The following PPP1R12C variants were observed in gnomAD, a reference collection of about 807,000 sequenced individuals.
PPP1R12C encodes the protein protein phosphatase 1 regulatory subunit 12C, also known as leukocyte receptor cluster (LRC) encoded novel gene 3.
A neutral mutation model predicts 95.6 loss-of-function variants in PPP1R12C; 48 were observed. That is an observed-to-expected ratio of 0.50 (90% CI 0.40 to 0.64). PPP1R12C has a LOEUF of 0.64. Among genes scored for constraint, PPP1R12C ranks in the 30% least tolerant of loss-of-function variants. The probability of loss-of-function intolerance (pLI) is 0.00; values close to 1 mark genes in which losing one functional copy is unlikely to be tolerated. For synonymous variants in PPP1R12C, 480 were observed against 460.8 expected (o/e 1.04, Z -0.53); for missense variants, 1,057 against 1,083.3 (o/e 0.98, Z 0.34).
At chr19:55,103,601 C>T in intron 3 of PPP1R12C, 33 bp from the exon 4 acceptor site, 1 of 1,514,082 alleles carries the variant, frequency 6.6e-7, no homozygotes, top group Non-Finnish European at 8.9e-7. Flanking sequence ...GTAGGACTCA[C>T]ACCCCATGAC....
Position 55,095,560 on chromosome 19 carries a change from T to C in PPP1R12C, c.1271A>G (p.Lys424Arg). ...ACCCAGGGCACCAGAACTCCCTGTCTTCAGGAGGCCAAAGCGCCTGGAGAA... is the reference window on the plus strand; with the variant it reads ...ACCCAGGGCACCAGAACTCCCTGTCCTCAGGAGGCCAAAGCGCCTGGAGAA... ...APFSRRFGLL[K>R]TGSSGALGPP... Residue 424 changes from lysine to arginine, a missense_variant, in exon 10 of 22, where the codon AAG becomes AGG. Lys to Arg is a conservative substitution (Grantham distance 26, BLOSUM62 2). Around this residue, in one of 5 missense-constraint regions of PPP1R12C, gnomAD observed 356 missense variants for 330.5 expected, o/e 1.08. Coordinates refer to ENST00000263433, the MANE Select transcript of PPP1R12C (RefSeq NM_017607.4). 2 of 1,589,678 alleles carry C rather than the reference T, an allele frequency of 1.3e-6. No individual in the cohort carries two copies. Among genetic ancestry groups the C allele is most frequent in the Non-Finnish European group, 1.7e-6 (2 of 1,170,076 alleles).
At chr19:55,116,499 G>A (rs1304465827) in intron 1 of PPP1R12C, among the ~76,000 whole-genome samples, 7 of 152,118 alleles carry the variant, frequency 4.6e-5, no homozygotes, top group African/African-American at 1.2e-4. Flanking sequence ...AGCCGTAGAG[G>A]TGACCCAGGC....
At position 55,098,848 on chromosome 19, in the gene PPP1R12C, G is replaced by A; in HGVS notation, c.887C>T (p.Pro296Leu). 6.2e-7 allele frequency: 1 copy of A among 1,613,396 alleles called. No homozygotes were observed. Among genetic ancestry groups the A allele is most frequent in the Non-Finnish European group, 8.5e-7 (1 of 1,180,014 alleles). The change falls in exon 6 of 22, where the codon CCC becomes CTC. Residue 296 changes from proline (P) to leucine (L), a missense_variant. By Grantham distance (98) the Pro-to-Leu change is moderately conservative (BLOSUM62 -3). This residue lies in a region of PPP1R12C where 282 missense variants were observed against 380.4 expected (regional missense o/e 0.74). Coordinates refer to ENST00000263433, the MANE Select transcript of PPP1R12C (RefSeq NM_017607.4). ...TACTTCCTCATCGGCCAGGTCACAGGGACGCTGCCCCTGGGTCAGGGGAGG... is the reference window on the plus strand; with the variant it reads ...TACTTCCTCATCGGCCAGGTCACAGAGACGCTGCCCCTGGGTCAGGGGAGG... ...MDSLTHAGQR[P>L]CDLADEEVLS... is the part of the protein sequence containing the mutation.
chr19:55,094,986 G>T (rs1044022957), intron 11 of PPP1R12C, 188 bp from the exon 12 acceptor site: 4 of 746,178 alleles, frequency 5.4e-6, no homozygotes, highest in African/African-American at 5.3e-5. Flanking sequence ...AAGGATAAAG[G>T]ACTCTGGACA....
rs530796599 is a variant in PPP1R12C, at chr19:55,112,511, G to A, written c.527C>T (p.Ser176Leu). Residue 176 changes from serine (S) to leucine (L), a missense_variant, in exon 3 of 22, where the codon TCG (serine) becomes TTG (leucine). Ser to Leu is a moderately radical substitution (Grantham distance 145). Transcript: ENST00000263433. ...DGDLPLDLAESDAMEGLLKAE... is the reference protein window; with the variant it reads ...DGDLPLDLAELDAMEGLLKAE... ...CTTCAGCAGCCCCTCCATGGCGTCC[G>A]ACTCGGCCAGGTCCAGGGGCAGGTC... 712 of 1,613,228 alleles carry A rather than the reference G, an allele frequency of 4.4e-4. 12 individuals carry two copies. In the South Asian group the frequency reaches 7.1e-3, roughly 16 times the overall value.
intron 3 of PPP1R12C, among the ~76,000 whole-genome samples, chr19:55,111,152 G>T (rs866930703): frequency 1.1e-4 from 7 of 60,990 alleles, no homozygotes; most frequent in South Asian, 9.6e-4. Flanking sequence ...TGGGGGGGAG[G>T]GGGGGGTGCA....
In PPP1R12C at chr19:55,096,157, G is replaced by T. The variant is rs1175211969; in HGVS notation, c.1047C>A (p.Ser349Arg). The change falls in exon 8 of 22, where the codon AGC (serine) becomes AGA (arginine). Residue 349 changes from serine (S) to arginine (R), a missense_variant. Ser to Arg is a moderately radical substitution (Grantham distance 110). This residue lies in a region of PPP1R12C where 356 missense variants were observed against 330.5 expected (regional missense o/e 1.08). Coordinates refer to ENST00000263433, the MANE Select transcript of PPP1R12C (RefSeq NM_017607.4). ...CCTGGAGGGAAATCTTCTCGCGACT[G>T]CTCAGACGACACACAGAGCTCCTGT... ...KHRRSSVCRL[S>R]SREKISLQDL... 1 of 1,603,946 alleles carries T rather than the reference G, an allele frequency of 6.2e-7. No homozygotes were observed. Among genetic ancestry groups the T allele is most frequent in the Non-Finnish European group, 8.5e-7 (1 of 1,174,324 alleles).
chr19:55,113,309 G>T, intron 1 of PPP1R12C: 1 of 994,688 alleles, frequency 1.0e-6, no homozygotes, highest in Non-Finnish European at 1.4e-6. Flanking sequence ...CCAGGGCTAT[G>T]CAGGGTGGAG....
chr19:55,094,880 A>G, intron 11 of PPP1R12C, 82 bp from the exon 12 acceptor site: 1 of 1,455,652 alleles, frequency 6.9e-7, no homozygotes, highest in Non-Finnish European at 9.3e-7. Context: ...AGTGAAAGAA[A>G]CAAATTATCT....
At chr19:55,098,638 G>T (rs1005025322) in intron 6 of PPP1R12C, 146 bp downstream of exon 6, 106 of 976,838 alleles carry the variant, frequency 1.1e-4, no homozygotes, top group Non-Finnish European at 1.4e-4. Context: ...TGAGGCTGGG[G>T]CTGGGGCTGG....
Position 55,117,257 on chromosome 19 carries a change from G to A in PPP1R12C, c.287C>T (p.Ser96Phe). ...GGCGCTGATACCGTCGGCGTTGGTG[G>A]AGTCCAGCACGGCGCGGGCGGGCGG... Reference protein sequence around the residue: ...APPPARAVLDSTNADGISALH... With the variant: ...APPPARAVLDFTNADGISALH... The change falls in exon 1 of 22, where the codon TCC becomes TTC. Residue 96 changes from serine to phenylalanine, a missense_variant. Coordinates refer to ENST00000263433, the MANE Select transcript of PPP1R12C (RefSeq NM_017607.4). The A allele has an allele frequency of 8.1e-7, 1 of 1,228,446 alleles. No individual in the cohort carries two copies. The highest frequency in any genetic ancestry group is 1.0e-6 in the Non-Finnish European group (1 of 986,850). 76.1% of individuals were successfully genotyped at this position (1,228,446 alleles called of 1,614,324 possible).
chr19:55,091,644 C>A lies in PPP1R12C; in HGVS notation c.2262+6G>T. On this transcript the variant is annotated splice_donor_region_variant and intron_variant, in intron 21 of 21. Coordinates refer to ENST00000263433, the MANE Select transcript of PPP1R12C (RefSeq NM_017607.4). ...GCCCTCTGCCCACAGCCCCCACAGC[C>A]CCCACCTTCAGCTCCTCCTCCAGCT... 6.2e-7 allele frequency: 1 copy of A among 1,611,584 alleles called. No homozygotes were observed. Among genetic ancestry groups the A allele is most frequent in the South Asian group, 1.1e-5 (1 of 90,968 alleles).
chr19:55,094,338 C>CTT lies in PPP1R12C; in HGVS notation c.1683+6_1683+7insAA. 1 of 1,611,180 alleles carries CTT rather than the reference C, an allele frequency of 6.2e-7. No homozygotes were observed. The highest frequency in any genetic ancestry group is 2.2e-5 in the East Asian group (1 of 44,716). ...CCCAGGAGTCCAGACCCCAGCCCAC[C>CTT]CCACACCTGTGTGGACCTCCGAGAC... On this transcript the variant is annotated splice_region_variant and intron_variant, in intron 13 of 21. Transcript: ENST00000263433.
rs114027267 is a variant in PPP1R12C at position 55,112,910 on chromosome 19, G to C, written c.322-115C>G. On this transcript the variant is annotated intron_variant, in intron 1 of 21. Transcript: ENST00000263433. ...CCAGGGACACGGTGCTAGGACAGTG[G>C]GGAAAATGACCCAACAGCCTCTGGC... The C allele has an allele frequency of 1.7e-3, 2,486 of 1,433,610 alleles. 29 individuals carry two copies. The African/African-American group carries it at 0.031, about 18-fold the overall frequency. 88.8% of individuals were successfully genotyped at this position (1,433,610 alleles called of 1,614,324 possible). A position where few individuals can be genotyped will look rare whatever the true frequency, so the allele number is the denominator to read the frequency against.
intron 19 of PPP1R12C, 71 bp from the exon 20 acceptor site, chr19:55,091,980 T>C: frequency 6.4e-7 from 1 of 1,572,014 alleles, no homozygotes. Context: ...CCTAGGCTCC[T>C]GCTGGGCACC....
Position 55,096,072 on chromosome 19 carries a change from C to T in PPP1R12C, c.1132G>A (p.Glu378Lys). Residue 378 changes from glutamate to lysine, a missense_variant, in exon 8 of 22, where the codon GAG (glutamate) becomes AAG (lysine). Glu to Lys is a moderately conservative substitution (Grantham distance 56). Around this residue, in one of 5 missense-constraint regions of PPP1R12C, gnomAD observed 356 missense variants for 330.5 expected, o/e 1.08. Transcript: ENST00000263433. ...TCACCGGTGGGACCTTCTTCCCCCT[C>T]ATCCTCGTCCTGGATGGGGGGCCCC... ...AGGPPIQDEDEGEEGPTEPPP... is the reference protein window; with the variant it reads ...AGGPPIQDEDKGEEGPTEPPP... 1 of 1,609,394 alleles carries T rather than the reference C, an allele frequency of 6.2e-7. No homozygotes were observed.
At chr19:55,105,904 C>T (rs897450665) in intron 3 of PPP1R12C, among the ~76,000 whole-genome samples, 3 of 151,926 alleles carry the variant, frequency 2.0e-5, no homozygotes, top group African/African-American at 7.2e-5. Flanking sequence ...ATCACTCCAC[C>T]GCACTCCAGC....
At position 55,112,558 on chromosome 19, in the gene PPP1R12C, G is replaced by A. The variant is rs143373450; in HGVS notation, c.480C>T (p.Ile160=). Residue 160 remains isoleucine, a synonymous_variant, in exon 3 of 22, where the codon ATC becomes ATT. Transcript: ENST00000263433. ...GGTCCCCGTCACTGTTGACGGCGGC[G>A]ATGTTGGCCCCGTGGCTCAGGAGGT... ...ARYLLSHGAN[I]AAVNSDGDLP... 286 of 1,613,306 alleles carry A rather than the reference G, an allele frequency of 1.8e-4. No homozygotes were observed. Among genetic ancestry groups the A allele is most frequent in the Non-Finnish European group, 2.3e-4 (270 of 1,179,730 alleles).
intron 1 of PPP1R12C, chr19:55,113,717 C>A: frequency 1.4e-6 from 1 of 697,592 alleles, no homozygotes; most frequent in Non-Finnish European, 2.0e-6. Context: ...CTACGAGGGC[C>A]AAGAGCATGA....
Sources: gnomAD v4.1 joint callset for allele counts (sites outside exome capture counted in the v4.1 genomes callset) on GRCh38, gnomAD v4.1.1 for gene constraint, gnomAD v4.1.1 regional missense constraint, MANE v1.5 for transcripts, NCBI Gene and HGNC (gene_info 2026-07-23, HGNC 2026-07-21) for gene names.